Variants in DERA observed in about 807,000 individuals in gnomAD.
DERA encodes 2-deoxy-D-ribose 5-phosphate aldolase.
DERA carries 15 observed loss-of-function variants against 41.1 expected under a neutral mutation model. The ratio of observed to expected loss-of-function variants is 0.37; its 90% CI spans 0.24 to 0.56. The LOEUF (loss-of-function observed/expected upper bound fraction) is 0.56. Among genes scored for constraint, DERA ranks in the 20% least tolerant of loss-of-function variants. DERA has a pLI of 0.81. For missense variants in DERA, 396 were observed against 403.4 expected (o/e 0.98, Z 0.16); for synonymous variants, 139 against 137.4 (o/e 1.01, Z -0.08).
chr12:15,926,436 G>A (rs1948283949), intron 1 of DERA, among the ~76,000 whole-genome samples: 1 of 152,042 alleles, frequency 6.6e-6, no homozygotes, highest in Admixed American at 6.6e-5. Flanking sequence ...ATATGCAGTA[G>A]GCAAGAAACA....
At position 15,966,054 on chromosome 12, in the gene DERA, C is replaced by T. The variant is rs1015264203; in HGVS notation, c.508+3107C>T. On this transcript the variant is annotated intron_variant, in intron 5 of 8. Coordinates refer to ENST00000428559, the MANE Select transcript of DERA (RefSeq NM_015954.4). The surrounding 1 kb of genome is among the most constrained non-coding windows in gnomAD (Gnocchi z 5.1). ...TTTCCTTTTCCTTCATCCCCAGCAA[C>T]GTCCTCCTTTCTTCTCTTCCCTTCA... Among the ~76,000 whole-genome samples the T allele has an allele frequency of 1.1e-4, 16 of 152,298 alleles. No homozygotes were observed. The highest frequency in any genetic ancestry group is 7.7e-4 in the East Asian group (4 of 5,184).
chr12:15,944,665 C>G (rs1012546314), intron 1 of DERA, among the ~76,000 whole-genome samples: 11 of 152,138 alleles, frequency 7.2e-5, no homozygotes, highest in Non-Finnish European at 1.2e-4. Flanking sequence ...AAAATTTTCT[C>G]CCATTCTGTA....
chr12:15,958,650 T>C (rs1948559885), intron 3 of DERA, among the ~76,000 whole-genome samples: 1 of 152,118 alleles, frequency 6.6e-6, no homozygotes, highest in African/African-American at 2.4e-5. Flanking sequence ...CTCTTTCTGA[T>C]TCCCTAGCCA....
At position 16,035,472 on chromosome 12, in the gene DERA, T is replaced by G. The variant is rs544457856; in HGVS notation, c.751-760T>G. The stretch of plus-strand genomic sequence containing the variant: ...CATGTAAATCCAGATAATCAGAGTT[T>G]TATTGTATATGGAACATATCTTTCA... On this transcript the variant is annotated intron_variant, in intron 7 of 8. Transcript: ENST00000428559. The surrounding 1 kb of genome is among the most constrained non-coding windows in gnomAD (Gnocchi z 4.1). Among the ~76,000 whole-genome samples the G allele has an allele frequency of 6.6e-6, 1 of 152,156 alleles. No homozygotes were observed. The highest frequency in any genetic ancestry group is 1.5e-5 in the Non-Finnish European group (1 of 68,032).
At chr12:15,917,404 T>G (rs192632642) in intron 1 of DERA, among the ~76,000 whole-genome samples, 1 of 152,322 alleles carries the variant, frequency 6.6e-6, no homozygotes, top group East Asian at 1.9e-4. Flanking sequence ...TAATGTGGGT[T>G]TTATGTCTGA....
intron 6 of DERA, among the ~76,000 whole-genome samples, chr12:16,018,817 T>C (rs983289434): frequency 1.3e-5 from 2 of 152,136 alleles, no homozygotes; most frequent in African/African-American, 4.8e-5. Flanking sequence ...AAATTTATTA[T>C]TAATTTTAAT....
chr12:15,971,869 C>A, intron 5 of DERA: 1 of 312,024 alleles, frequency 3.2e-6, no homozygotes, highest in South Asian at 3.5e-5. Context: ...GTGAACAAGG[C>A]CAGCAGATTT....
chr12:15,933,943 G>A (rs1009627050), intron 1 of DERA, among the ~76,000 whole-genome samples: 3 of 152,178 alleles, frequency 2.0e-5, no homozygotes, highest in African/African-American at 7.2e-5. Flanking sequence ...GGCCACGTAA[G>A]CTGGTTCTTT....
chr12:15,927,545 T>C (rs2136128488), intron 1 of DERA, among the ~76,000 whole-genome samples: 1 of 152,186 alleles, frequency 6.6e-6, no homozygotes, highest in African/African-American at 2.4e-5. Flanking sequence ...GCATCAGGAG[T>C]AATATGAACT....
rs1245919853 is a variant in DERA at position 15,984,333 on chromosome 12, C to T, written c.637+1897C>T. Among the ~76,000 whole-genome samples, 3 of 152,064 alleles carry T rather than the reference C, an allele frequency of 2.0e-5. No individual in the cohort carries two copies. The highest frequency in any genetic ancestry group is 2.9e-5 in the Non-Finnish European group (2 of 68,028). ...GTCATCACGCTTTGGAAGCTGTGTC[C>T]CACCCTCCACCCATCCTGTCCACAG... On this transcript the variant is annotated intron_variant, in intron 6 of 8. Coordinates refer to ENST00000428559, the MANE Select transcript of DERA (RefSeq NM_015954.4). The surrounding 1 kb of genome is among the most constrained non-coding windows in gnomAD (Gnocchi z 4.5).
intron 6 of DERA, among the ~76,000 whole-genome samples, chr12:16,028,234 A>C (rs1434536640): frequency 1.3e-5 from 2 of 152,204 alleles, no homozygotes; most frequent in Non-Finnish European, 2.9e-5. Context: ...CTAGTCTCAG[A>C]AAGTAAGTGC....
rs748641861 is a variant in DERA at position 15,982,132 on chromosome 12, C to A, written c.509-176C>A. 1.3e-5 allele frequency among the ~76,000 whole-genome samples: 2 copies of A among 152,172 alleles called. No homozygotes were observed. The highest frequency in any genetic ancestry group is 3.8e-4 in the East Asian group (2 of 5,196). On this transcript the variant is annotated intron_variant, in intron 5 of 8. Coordinates refer to ENST00000428559, the MANE Select transcript of DERA (RefSeq NM_015954.4). The surrounding 1 kb of genome is among the most constrained non-coding windows in gnomAD (Gnocchi z 4.0). Reference sequence around the variant, plus strand: ...GTAGCAAACTAAGCATTCCTTGTAACAGGATGTGAACTGCAACAGAATGCT... The same window carrying A: ...GTAGCAAACTAAGCATTCCTTGTAAAAGGATGTGAACTGCAACAGAATGCT...
chr12:15,964,269 G>A (rs1490352527), intron 5 of DERA, among the ~76,000 whole-genome samples: 2 of 152,116 alleles, frequency 1.3e-5, no homozygotes, highest in Non-Finnish European at 2.9e-5. Context: ...TGAGTGACGT[G>A]GCCATTCTTG....
rs1177324522 is a variant in DERA, at chr12:16,019,094, A to T, written c.638-13448A>T. On this transcript the variant is annotated intron_variant, in intron 6 of 8. Coordinates refer to ENST00000428559, the MANE Select transcript of DERA (RefSeq NM_015954.4). The surrounding 1 kb of genome is among the most constrained non-coding windows in gnomAD (Gnocchi z 4.4). ...TGGTGTTGGTAATTCAAAATGTAGC[A>T]TTTATTTCTCTAAAGTAATTTCGTT... 6.6e-6 allele frequency among the ~76,000 whole-genome samples: 1 copy of T among 152,218 alleles called. No homozygotes were observed. The highest frequency in any genetic ancestry group is 1.5e-5 in the Non-Finnish European group (1 of 68,028).
rs1465732081 is a variant in DERA, at chr12:15,990,795, A to G, written c.637+8359A>G. 4.6e-5 allele frequency among the ~76,000 whole-genome samples: 7 copies of G among 152,040 alleles called. No individual in the cohort carries two copies. Among genetic ancestry groups the G allele is most frequent in the African/African-American group, 1.4e-4 (6 of 41,404 alleles). ...AAGGATATGATCTCATTCTTTTTTT[A>G]TGGCTGGATAGTAGTCCATGGTGCA... On this transcript the variant is annotated intron_variant, in intron 6 of 8. Transcript: ENST00000428559. The surrounding 1 kb of genome is among the most constrained non-coding windows in gnomAD (Gnocchi z 4.3).
chr12:15,931,054 T>G lies in DERA; in HGVS notation c.31+19640T>G, dbSNP rs1260803419. Among the ~76,000 whole-genome samples, 1 of 152,170 alleles carries G rather than the reference T, an allele frequency of 6.6e-6. No homozygotes were observed. Among genetic ancestry groups the G allele is most frequent in the East Asian group, 1.9e-4 (1 of 5,198 alleles). On this transcript the variant is annotated intron_variant, in intron 1 of 8. Coordinates refer to ENST00000428559, the MANE Select transcript of DERA (RefSeq NM_015954.4). This position sits in a 1 kb window ranked among gnomAD's most constrained non-coding sequence, Gnocchi z 4.6. The stretch of plus-strand genomic sequence containing the variant: ...ACTTATTTAAATTTAAATGAAATAG[T>G]TTTCAAATTGTTTTAAGTGTTTTCT...
chr12:15,956,599 A>G (rs1250678708), intron 1 of DERA: 4 of 380,928 alleles, frequency 1.1e-5, no homozygotes, highest in Non-Finnish European at 2.0e-5. Context: ...GAGGTGAGGT[A>G]CGTGGCATGG....
chr12:16,014,246 C>T lies in DERA; in HGVS notation c.638-18296C>T, dbSNP rs112356449. On this transcript the variant is annotated intron_variant, in intron 6 of 8. Transcript: ENST00000428559. This position sits in a 1 kb window ranked among gnomAD's most constrained non-coding sequence, Gnocchi z 5.4. ...AGGAGCCAAATGTTAATCACCAAGA[C>T]AGTGGGGGAAATGTCTCCAGGGCAT... 0.023 allele frequency among the ~76,000 whole-genome samples: 3,509 copies of T among 152,266 alleles called. 147 individuals are homozygous for T. The highest frequency in any genetic ancestry group is 0.079 in the African/African-American group (3,282 of 41,544).
rs1162098193 is a variant in DERA at position 15,990,325 on chromosome 12, C to G, written c.637+7889C>G. On this transcript the variant is annotated intron_variant, in intron 6 of 8. Coordinates refer to ENST00000428559, the MANE Select transcript of DERA (RefSeq NM_015954.4). The surrounding 1 kb of genome is among the most constrained non-coding windows in gnomAD (Gnocchi z 4.3). ...GAACTTACTTTGCTAACACTTGCCTCTGTATTCAAAAAGAAAGGTACAAAA... is the reference window on the plus strand; with the variant it reads ...GAACTTACTTTGCTAACACTTGCCTGTGTATTCAAAAAGAAAGGTACAAAA... 1.3e-5 allele frequency among the ~76,000 whole-genome samples: 2 copies of G among 152,090 alleles called. No individual in the cohort carries two copies.
Sources: allele counts gnomAD v4.1 joint callset (sites outside exome capture counted in the v4.1 genomes callset), GRCh38; gene constraint gnomAD v4.1.1; non-coding constraint Gnocchi (gnomAD v3.1); transcripts MANE v1.5; gene names NCBI Gene and HGNC (gene_info 2026-07-23, HGNC 2026-07-21).